The following TRIO variants were observed in gnomAD, a reference collection of about 807,000 sequenced individuals.
TRIO encodes the protein triple functional domain protein.
A neutral mutation model predicts 351.9 loss-of-function variants in TRIO; 58 were observed. That is an observed-to-expected ratio of 0.16 (90% CI 0.13 to 0.21). The LOEUF (loss-of-function observed/expected upper bound fraction) is 0.21. TRIO is among the 10% of genes least tolerant of loss of function. The pLI is 1.00. For missense variants in TRIO, 3,201 were observed against 4,027.8 expected (o/e 0.79, Z 5.56); for synonymous variants, 1,758 against 1,595.7 (o/e 1.10, Z -2.42).
intron 2 of TRIO, among the ~76,000 whole-genome samples, chr5:14,277,977 A>G (rs1735689365): frequency 6.6e-6 from 1 of 152,242 alleles, no homozygotes; most frequent in Admixed American, 6.5e-5. Context: ...TTTTGATAAA[A>G]TTGTAAAAAT....
At position 14,482,735 on chromosome 5, in the gene TRIO, T is replaced by G. The variant is rs373870873; in HGVS notation, c.6619T>G (p.Phe2207Val). 1.9e-6 allele frequency: 3 copies of G among 1,608,302 alleles called. No individual in the cohort carries two copies. In the African/African-American group the frequency reaches 4.0e-5, roughly 22 times the overall value. ...FSEPLDKKKG[F>V]SMPGFLFKNS... ...CGAACCACTTGATAAAAAGAAGGGC[T>G]TCTCCATGCCGGGATTCCTGTTTAA... Residue 2207 changes from phenylalanine (F) to valine (V), a missense_variant, in exon 46 of 57, where the codon TTC becomes GTC. By Grantham distance (50) the Phe-to-Val change is conservative (BLOSUM62 -1). Around this residue, in one of 19 missense-constraint regions of TRIO, gnomAD observed 1,089 missense variants for 954.9 expected, o/e 1.14. Transcript: ENST00000344204.
Position 14,286,658 on chromosome 5 carries a change from G to A in TRIO, c.348-213G>A, listed in dbSNP as rs901011952. 1.3e-5 allele frequency among the ~76,000 whole-genome samples: 2 copies of A among 152,200 alleles called. No individual in the cohort carries two copies. Among genetic ancestry groups the A allele is most frequent in the Non-Finnish European group, 2.9e-5 (2 of 68,024 alleles). ...CAAAATTGAAATCTTAACAGGTTTT[G>A]CAGGTTGAACATGAAGCGTGTATAG... On this transcript the variant is annotated intron_variant, in intron 3 of 56. Coordinates refer to ENST00000344204, the MANE Select transcript of TRIO (RefSeq NM_007118.4). This position sits in a 1 kb window ranked among gnomAD's most constrained non-coding sequence, Gnocchi z 4.4.
chr5:14,205,843 G>C (rs151924), intron 1 of TRIO, among the ~76,000 whole-genome samples: 1 of 151,488 alleles, frequency 6.6e-6, no homozygotes. Flanking sequence ...AGCGATTCTC[G>C]TGCCTCAGCC....
intron 30 of TRIO, chr5:14,399,396 C>T (rs760160267): frequency 2.6e-6 from 1 of 383,524 alleles, no homozygotes; most frequent in African/African-American, 2.0e-5. Flanking sequence ...ATAATCATAT[C>T]TATGACTAAG....
chr5:14,405,589 G>A (rs1029566825), intron 31 of TRIO, among the ~76,000 whole-genome samples: 2 of 152,186 alleles, frequency 1.3e-5, no homozygotes, highest in African/African-American at 2.4e-5. Flanking sequence ...AGGTCTTGGG[G>A]CTGGAGAATG....
chr5:14,238,427 C>T (rs540437879), intron 1 of TRIO, among the ~76,000 whole-genome samples: 92 of 152,294 alleles, frequency 6.0e-4, no homozygotes, highest in African/African-American at 2.1e-3. Flanking sequence ...TCTGCTGTCC[C>T]ATCTTTGTGC....
intron 21 of TRIO, among the ~76,000 whole-genome samples, chr5:14,383,913 C>T (rs1001460787): frequency 2.6e-5 from 4 of 152,160 alleles, no homozygotes; most frequent in African/African-American, 9.7e-5. Flanking sequence ...GAAAGTCTTT[C>T]AGTGCACTTG....
intron 48 of TRIO, among the ~76,000 whole-genome samples, chr5:14,490,082 G>A (rs1228618954): frequency 1.3e-5 from 2 of 152,198 alleles, no homozygotes; most frequent in Non-Finnish European, 1.5e-5. Flanking sequence ...TTCGAGGCCA[G>A]CATGGTGAAA....
intron 9 of TRIO, among the ~76,000 whole-genome samples, chr5:14,321,537 A>G (rs1388957156): frequency 6.6e-6 from 1 of 152,216 alleles, no homozygotes; most frequent in African/African-American, 2.4e-5. Context: ...CAGCTGGCCC[A>G]TTGAACTTTA....
chr5:14,339,829 G>A (rs1741776132), intron 11 of TRIO, among the ~76,000 whole-genome samples: 1 of 152,164 alleles, frequency 6.6e-6, no homozygotes, highest in African/African-American at 2.4e-5. Context: ...GGTTCCATGC[G>A]GGAAAGAATG....
intron 1 of TRIO, among the ~76,000 whole-genome samples, chr5:14,158,805 TG>T (rs1788262127): frequency 6.6e-6 from 1 of 152,222 alleles, no homozygotes; most frequent in Non-Finnish European, 1.5e-5. Context: ...CACTCTAGCC[TG>T]GGCAACAGAG....
chr5:14,328,238 G>C (rs751470549), intron 9 of TRIO, among the ~76,000 whole-genome samples: 1 of 152,022 alleles, frequency 6.6e-6, no homozygotes, highest in Non-Finnish European at 1.5e-5. Flanking sequence ...CACTCAATAC[G>C]TTAAAACAAT....
chr5:14,355,933 T>G (rs1743574922), intron 11 of TRIO, among the ~76,000 whole-genome samples: 1 of 152,216 alleles, frequency 6.6e-6, no homozygotes, highest in Non-Finnish European at 1.5e-5. Context: ...AAAATGAAAA[T>G]TTTGAACTAG....
intron 9 of TRIO, among the ~76,000 whole-genome samples, chr5:14,330,371 A>C (rs1165161162): frequency 6.6e-6 from 1 of 152,238 alleles, no homozygotes; most frequent in Non-Finnish European, 1.5e-5. Flanking sequence ...GAATTGCCTT[A>C]GTAGTGTAGC....
intron 33 of TRIO, 109 bp from the exon 34 acceptor site, chr5:14,419,669 C>T: frequency 6.8e-7 from 1 of 1,469,534 alleles, no homozygotes; most frequent in African/African-American, 1.4e-5. Context: ...GCACTCAGCT[C>T]ACTCCGGGGC....
chr5:14,421,933 T>A (rs1454718035), intron 34 of TRIO, among the ~76,000 whole-genome samples: 1 of 152,312 alleles, frequency 6.6e-6, no homozygotes, highest in Middle Eastern at 3.4e-3. Context: ...CAGGCTTGCC[T>A]CTGCTCAGCC....
At chr5:14,148,078 C>A (rs779498793) in intron 1 of TRIO, among the ~76,000 whole-genome samples, 2 of 152,064 alleles carry the variant, frequency 1.3e-5, no homozygotes, top group African/African-American at 2.4e-5. Context: ...CCTTGTAAAC[C>A]GACATATTGA....
At chr5:14,214,656 A>G (rs948668507) in intron 1 of TRIO, among the ~76,000 whole-genome samples, 10 of 152,356 alleles carry the variant, frequency 6.6e-5, no homozygotes, top group African/African-American at 9.6e-5. Context: ...GATACAAATC[A>G]GAAATCAATT....
chr5:14,496,787 C>T (rs1229834810), intron 49 of TRIO, 92 bp from the exon 50 acceptor site: 8 of 1,526,104 alleles, frequency 5.2e-6, no homozygotes, highest in East Asian at 2.3e-5. Context: ...CACACACATA[C>T]GTTGAATATT....
Sources: gnomAD v4.1 joint callset for allele counts (sites outside exome capture counted in the v4.1 genomes callset) on GRCh38, gnomAD v4.1.1 for gene constraint, gnomAD v4.1.1 regional missense constraint, Gnocchi (gnomAD v3.1) non-coding constraint, MANE v1.5 for transcripts, NCBI Gene and HGNC (gene_info 2026-07-23, HGNC 2026-07-21) for gene names.